MDN1: variants seen among roughly 807,000 people sequenced by gnomAD.
MDN1 encodes the protein midasin.
MDN1 carries 266 observed loss-of-function variants against 669.2 expected under a neutral mutation model. The ratio of observed to expected loss-of-function variants is 0.40; its 90% CI spans 0.36 to 0.44. MDN1 has a LOEUF of 0.44. MDN1 is among the 20% of genes least tolerant of loss of function. The probability of loss-of-function intolerance (pLI) is 1.00; values close to 1 mark genes in which losing one functional copy is unlikely to be tolerated. For synonymous variants in MDN1, 2,385 were observed against 2,457.1 expected, an observed-to-expected ratio of 0.97 and a Z score of 0.87; for missense variants, 5,940 against 6,754.0, an observed-to-expected ratio of 0.88 and a Z score of 4.22.
At chr6:89,660,499 T>C (rs1017929648) in intron 88 of MDN1, among the ~76,000 whole-genome samples, 11 of 152,240 alleles carry the variant, frequency 7.2e-5, no homozygotes, top group African/African-American at 9.6e-5. Flanking sequence ...GGTTTTTTTT[T>C]CCCATTATCT....
At position 89,718,759 on chromosome 6, in the gene MDN1, C is replaced by T. The variant is rs1254261536; in HGVS notation, c.6321+8G>A. ...CTTTGCCAGAAAATATGAAGGCAGACTGGTTACCTGCTCAAATCCACCCAG... is the reference window on the plus strand; with the variant it reads ...CTTTGCCAGAAAATATGAAGGCAGATTGGTTACCTGCTCAAATCCACCCAG... On this transcript the variant is annotated splice_region_variant and intron_variant, in intron 42 of 101. Transcript: ENST00000369393. 1.2e-6 allele frequency: 2 copies of T among 1,612,824 alleles called. No individual in the cohort carries two copies. Among genetic ancestry groups the T allele is most frequent in the Admixed American group, 1.7e-5 (1 of 60,020 alleles).
At position 89,794,777 on chromosome 6, in the gene MDN1, G is replaced by A. The variant is rs1819488790; in HGVS notation, c.354C>T (p.Asp118=). ...VLPFALRYFK[D]TSPVFQRLFL... ...AAAGTCTTTGAAAGACTGGGGATGT[G>A]TCCTTGAAATATCTCAGGGCAAACC... The change falls in exon 3 of 102, where the codon GAC becomes GAT. Residue 118 remains aspartate, a synonymous_variant. Transcript: ENST00000369393. 6.2e-7 allele frequency: 1 copy of A among 1,614,154 alleles called. No homozygotes were observed. Among genetic ancestry groups the A allele is most frequent in the East Asian group, 2.2e-5 (1 of 44,894 alleles).
intron 37 of MDN1, among the ~76,000 whole-genome samples, chr6:89,726,548 T>C (rs1034734270): frequency 5.3e-5 from 8 of 149,706 alleles, no homozygotes; most frequent in Admixed American, 4.6e-4. Context: ...ATAGATAAGG[T>C]TTGTTAACTC....
intron 86 of MDN1, 32 bp from the exon 87 acceptor site, chr6:89,662,271 A>G (rs1276098343): frequency 6.3e-7 from 1 of 1,593,590 alleles, no homozygotes; most frequent in South Asian, 1.1e-5. Flanking sequence ...AACAATCATC[A>G]CACTCAATCC....
chr6:89,650,936 GA>G, intron 95 of MDN1, 89 bp from the exon 96 acceptor site: 1 of 949,028 alleles, frequency 1.1e-6, no homozygotes, highest in Non-Finnish European at 1.7e-6. Flanking sequence ...CAAAGTGGTA[GA>G]AAATGACCTG....
intron 9 of MDN1, among the ~76,000 whole-genome samples, chr6:89,783,802 A>T (rs145779331): frequency 7.2e-5 from 11 of 152,176 alleles, no homozygotes; most frequent in African/African-American, 2.4e-4. Flanking sequence ...GCCAACACTT[A>T]TGGAAAATAG....
In MDN1 at chr6:89,643,671, A is replaced by G; in HGVS notation, c.*334T>C. ...GCTCCTGGCAGCATCTCCTCAAGGCACAGGTGCCCAGATCCCCTGCAAAAG... is the reference window on the plus strand; with the variant it reads ...GCTCCTGGCAGCATCTCCTCAAGGCGCAGGTGCCCAGATCCCCTGCAAAAG... On this transcript the variant is annotated 3_prime_UTR_variant, in exon 102 of 102. Transcript: ENST00000369393. The G allele has an allele frequency of 4.9e-6, 1 of 205,182 alleles. No homozygotes were observed. Among genetic ancestry groups the G allele is most frequent in the East Asian group, 1.2e-4 (1 of 8,434 alleles). The allele number at this position is 205,182 out of a possible 1,614,324, so 12.7% of individuals were successfully genotyped here. A position where few individuals can be genotyped will look rare whatever the true frequency, so the allele number is the denominator to read the frequency against.
chr6:89,730,261 G>A (rs997045345), intron 35 of MDN1, among the ~76,000 whole-genome samples: 2 of 152,182 alleles, frequency 1.3e-5, no homozygotes, highest in Non-Finnish European at 2.9e-5. Context: ...GCCTATGACT[G>A]TGAGGCCTAA....
chr6:89,705,026 C>G (rs1813421991), intron 53 of MDN1, among the ~76,000 whole-genome samples: 1 of 152,106 alleles, frequency 6.6e-6, no homozygotes, highest in African/African-American at 2.4e-5. Flanking sequence ...CTAAAATATT[C>G]CTCTCCTTTC....
At chr6:89,670,495 A>C (rs1264168527) in intron 83 of MDN1, among the ~76,000 whole-genome samples, 2 of 152,104 alleles carry the variant, frequency 1.3e-5, no homozygotes, top group Admixed American at 6.5e-5. Context: ...CTCTAATAAT[A>C]ACAGGCCCAT....
At chr6:89,733,967 T>A (rs1440401185) in intron 33 of MDN1, among the ~76,000 whole-genome samples, 1 of 152,040 alleles carries the variant, frequency 6.6e-6, no homozygotes, top group African/African-American at 2.4e-5. Flanking sequence ...ACATAATGAA[T>A]ACCAAATGCA....
chr6:89,713,449 C>T (rs771822101), intron 46 of MDN1, among the ~76,000 whole-genome samples, 153 bp from the exon 47 acceptor site: 4 of 152,130 alleles, frequency 2.6e-5, no homozygotes, highest in South Asian at 4.2e-4. Context: ...TAGAGTCCTC[C>T]GAGGGCACAA....
At chr6:89,682,577 G>A (rs1392505335) in intron 73 of MDN1, among the ~76,000 whole-genome samples, 1 of 151,376 alleles carries the variant, frequency 6.6e-6, no homozygotes, top group African/African-American at 2.4e-5. Context: ...GCGTGGTGGT[G>A]GGCACCTGCA....
chr6:89,652,686 A>C (rs1314901806), intron 94 of MDN1, among the ~76,000 whole-genome samples: 1 of 152,206 alleles, frequency 6.6e-6, no homozygotes, highest in Non-Finnish European at 1.5e-5. Context: ...AATTGTCCTG[A>C]AGATTCCTTA....
In MDN1 at chr6:89,749,544, T is replaced by C. The variant is rs753511900; in HGVS notation, c.3614A>G (p.Lys1205Arg). 6.8e-6 allele frequency: 11 copies of C among 1,613,940 alleles called. No homozygotes were observed. The highest frequency in any genetic ancestry group is 3.3e-5 in the Admixed American group (2 of 60,006). ...QNPPGLYGGR[K>R]VLSRAFRNRF... ...AGGAAGGAGACAAATGCTACATACCTTTCTGCCTCCATAAAGTCCTGGGGG... is the reference window on the plus strand; with the variant it reads ...AGGAAGGAGACAAATGCTACATACCCTTCTGCCTCCATAAAGTCCTGGGGG... The change falls in exon 25 of 102, where the codon AAG (lysine) becomes AGG (arginine). Residue 1205 changes from lysine to arginine, a missense_variant and splice_region_variant. Physicochemically the swap from Lys to Arg is conservative, Grantham distance 26. Transcript: ENST00000369393.
Position 89,745,350 on chromosome 6 carries a change from C to T in MDN1, c.4101G>A (p.Glu1367=), listed in dbSNP as rs1816551299. 1 of 1,613,964 alleles carries T rather than the reference C, an allele frequency of 6.2e-7. No individual in the cohort carries two copies. Among genetic ancestry groups the T allele is most frequent in the Non-Finnish European group, 8.5e-7 (1 of 1,179,978 alleles). ...ECNFGHIVWT[E]GMRRLAMLVG... ...CTAGCATCGCGAGTCTCCGCATGCCCTCAGTCCACACGATATGGCCAAAGT... is the reference window on the plus strand; with the variant it reads ...CTAGCATCGCGAGTCTCCGCATGCCTTCAGTCCACACGATATGGCCAAAGT... The change falls in exon 29 of 102, where the codon GAG becomes GAA. Residue 1367 remains glutamate, a synonymous_variant. Coordinates refer to ENST00000369393, the MANE Select transcript of MDN1 (RefSeq NM_014611.3).
At position 89,700,196 on chromosome 6, in the gene MDN1, G is replaced by C. The variant is rs373801187; in HGVS notation, c.8737C>G (p.Leu2913Val). The C allele has an allele frequency of 1.5e-5, 25 of 1,614,066 alleles. No homozygotes were observed. The highest frequency in any genetic ancestry group is 4.4e-5 in the South Asian group (4 of 91,076). Residue 2913 changes from leucine to valine, a missense_variant, in exon 57 of 102, where the codon CTG becomes GTG. By Grantham distance (32) the Leu-to-Val change is conservative (BLOSUM62 1). Around this residue, in one of 5 missense-constraint regions of MDN1, gnomAD observed 2,292 missense variants for 2,638.3 expected, o/e 0.87. Coordinates refer to ENST00000369393, the MANE Select transcript of MDN1 (RefSeq NM_014611.3). ...LEKKHDEASSLSHPDLTSVIH... is the reference protein window; with the variant it reads ...LEKKHDEASSVSHPDLTSVIH... ...ACGGAGGTCAAGTCTGGATGGGACA[G>C]GGAGGAAGCTTCATCATGCTTTTTC... is the stretch of plus-strand genomic sequence containing the variant.
At chr6:89,798,519 A>C (rs912088612) in intron 2 of MDN1, among the ~76,000 whole-genome samples, 1 of 152,196 alleles carries the variant, frequency 6.6e-6, no homozygotes, top group Non-Finnish European at 1.5e-5. Context: ...AAAAAAGTGA[A>C]ACAAATCTAT....
At chr6:89,703,389 G>T (rs1813296030) in intron 53 of MDN1, among the ~76,000 whole-genome samples, 1 of 150,718 alleles carries the variant, frequency 6.6e-6, no homozygotes, top group African/African-American at 2.4e-5. Context: ...GTCTATCTGT[G>T]AATCCTCTGT....
Sources: allele counts gnomAD v4.1 joint callset (sites outside exome capture counted in the v4.1 genomes callset), GRCh38; gene constraint gnomAD v4.1.1; regional missense constraint gnomAD v4.1.1; transcripts MANE v1.5; gene names NCBI Gene and HGNC (gene_info 2026-07-23, HGNC 2026-07-21).